The following ABHD17A variants were observed in gnomAD, a reference collection of about 807,000 sequenced individuals.
ABHD17A encodes the protein alpha/beta hydrolase domain-containing protein 17A.
ABHD17A carries 10 observed loss-of-function variants against 26.8 expected under a neutral mutation model. The observed-to-expected ratio is 0.37, with a 90% confidence interval of 0.23 to 0.63. The LOEUF (loss-of-function observed/expected upper bound fraction) is 0.63. ABHD17A is among the 30% of genes least tolerant of loss of function. The pLI is 0.61. For synonymous variants in ABHD17A, 167 were observed against 210.9 expected (o/e 0.79, Z 1.80); for missense variants, 292 against 457.3 (o/e 0.64, Z 3.30).
chr19:1,881,125 C>T (rs547150719), intron 2 of ABHD17A, 110 bp downstream of exon 2: 68 of 1,562,702 alleles, frequency 4.4e-5, no homozygotes, highest in Non-Finnish European at 5.4e-5. Context: ...TGGCCCTTCA[C>T]GGCAGGCTCG....
chr19:1,881,874 G>C (rs923316504), intron 1 of ABHD17A, 70 bp from the exon 2 acceptor site: 1 of 312,930 alleles, frequency 3.2e-6, no homozygotes, highest in South Asian at 5.4e-5. Context: ...CCCGGGAGGC[G>C]GGGCATCCAC....
rs1313049810 is a variant in ABHD17A, at chr19:1,881,542, G to A, written c.25C>T (p.Leu9Phe). MNGLSLSE[L>F]CCLFCCPPCP... ...GGCGGGCAGCAGAAGAGGCAGCAGA[G>A]CTCACTCAGCGACAGCCCATTCATG... Residue 9 changes from leucine to phenylalanine, a missense_variant, in exon 2 of 5, where the codon CTC becomes TTC. By Grantham distance (22) the Leu-to-Phe change is conservative. Transcript: ENST00000292577. 3 of 1,602,386 alleles carry A rather than the reference G, an allele frequency of 1.9e-6. No individual in the cohort carries two copies. Among genetic ancestry groups the A allele is most frequent in the African/African-American group, 1.3e-5 (1 of 74,716 alleles).
At chr19:1,883,359 G>C (rs2012592387) in intron 1 of ABHD17A, 1 of 152,428 alleles carries the variant, frequency 6.6e-6, no homozygotes, top group South Asian at 2.1e-4. Context: ...CCCAAAGAAT[G>C]ATCAGGCCCA....
intron 2 of ABHD17A, 94 bp downstream of exon 2, chr19:1,881,141 T>C (rs975764540): frequency 6.4e-7 from 1 of 1,562,752 alleles, no homozygotes; most frequent in South Asian, 1.2e-5. Context: ...GCTCGGGCCC[T>C]CGGGGGCACC....
rs1454376038 is a variant in ABHD17A at position 1,880,244 on chromosome 19, G to A, written c.333-129C>T. ...AGTGCCTCATTTACTCCCCTCCCAA[G>A]GGGGCCAGAAGCCAGTGAATGGAGA... On this transcript the variant is annotated intron_variant, in intron 2 of 4. Transcript: ENST00000292577. This position sits in a 1 kb window ranked among gnomAD's most constrained non-coding sequence, Gnocchi z 4.1. 3 of 965,960 alleles carry A rather than the reference G, an allele frequency of 3.1e-6. No individual in the cohort carries two copies. The highest frequency in any genetic ancestry group is 4.7e-6 in the Non-Finnish European group (3 of 641,652). 59.8% of individuals were successfully genotyped at this position (965,960 alleles called of 1,614,324 possible). A position where few individuals can be genotyped will look rare whatever the true frequency, so the allele number is the denominator to read the frequency against.
In ABHD17A at chr19:1,881,916, TGTCA is replaced by T. The variant is rs956146855; in HGVS notation, c.-238-116_-238-113del. 9.9e-5 allele frequency: 26 copies of T among 262,978 alleles called. No homozygotes were observed. The East Asian group carries it at 1.5e-3, about 15-fold the overall frequency. The allele number at this position is 262,978 out of a possible 1,614,324, so 16.3% of individuals were successfully genotyped here. A position where few individuals can be genotyped will look rare whatever the true frequency, so the allele number is the denominator to read the frequency against. Reference sequence around the variant, plus strand: ...CAGGGGGCGGCATGGGCCCGGGGCCTGTCAGTCCCCATCCCCTCGGCCCTCCCCA... The same window carrying T: ...CAGGGGGCGGCATGGGCCCGGGGCCTGTCCCCATCCCCTCGGCCCTCCCCA... On this transcript the variant is annotated intron_variant, in intron 1 of 4. Coordinates refer to ENST00000292577, the MANE Select transcript of ABHD17A (RefSeq NM_001130111.2).
rs890054051 is a variant in ABHD17A, at chr19:1,880,182, G to C, written c.333-67C>G. On this transcript the variant is annotated intron_variant, in intron 2 of 4. Coordinates refer to ENST00000292577, the MANE Select transcript of ABHD17A (RefSeq NM_001130111.2). This position sits in a 1 kb window ranked among gnomAD's most constrained non-coding sequence, Gnocchi z 4.1. ...GCGCCCAGCTGCAGGGCAGGAGGAT[G>C]CGTAGTGACAGCCCACCCCGGTGGC... 6.4e-6 allele frequency: 10 copies of C among 1,562,434 alleles called. No individual in the cohort carries two copies. The African/African-American group carries it at 1.4e-4, about 21-fold the overall frequency.
At position 1,880,916 on chromosome 19, in the gene ABHD17A, C is replaced by T. The variant is rs1452022684; in HGVS notation, c.332+319G>A. ...CCCACCTGGCGAGAAGGTGGATGTACCCGCAGGCCAGGGCAGCCCCTGTGC... is the reference window on the plus strand; with the variant it reads ...CCCACCTGGCGAGAAGGTGGATGTATCCGCAGGCCAGGGCAGCCCCTGTGC... On this transcript the variant is annotated intron_variant, in intron 2 of 4. Transcript: ENST00000292577. The surrounding 1 kb of genome is among the most constrained non-coding windows in gnomAD (Gnocchi z 4.1). 8 of 1,612,932 alleles carry T rather than the reference C, an allele frequency of 5.0e-6. No homozygotes were observed. The Admixed American group carries it at 1.0e-4, about 20-fold the overall frequency.
intron 1 of ABHD17A, chr19:1,882,108 C>G (rs1250327115): frequency 6.5e-6 from 1 of 153,124 alleles, no homozygotes; most frequent in Non-Finnish European, 1.5e-5. Context: ...ACCCCAGCCC[C>G]GCCCACACCC....
chr19:1,884,754 A>G (rs1317050414), intron 1 of ABHD17A, among the ~76,000 whole-genome samples: 1 of 152,108 alleles, frequency 6.6e-6, no homozygotes, highest in Non-Finnish European at 1.5e-5. Flanking sequence ...GAAGGGTCCT[A>G]AGAGAGAGCC....
chr19:1,881,489 G>A lies in ABHD17A; in HGVS notation c.78C>T (p.Leu26=), dbSNP rs200425255. ...AGGTGGCCTCCGGCGGCAGGAAGGC[G>A]AGCTTGGCAGCGATGCGGCCGGGGC... The part of the protein sequence containing the change: ...PPCPGRIAAK[L]AFLPPEATYS... Residue 26 remains leucine, a synonymous_variant, in exon 2 of 5, where the codon CTC becomes CTT. Coordinates refer to ENST00000292577, the MANE Select transcript of ABHD17A (RefSeq NM_001130111.2). 2,505 of 1,604,426 alleles carry A rather than the reference G, an allele frequency of 1.6e-3. 15 individuals carry two copies. Among genetic ancestry groups the A allele is most frequent in the Non-Finnish European group, 1.1e-3 (1,333 of 1,178,878 alleles).
intron 3 of ABHD17A, chr19:1,878,209 C>G (rs1257489340): frequency 6.3e-6 from 1 of 157,840 alleles, no homozygotes. Flanking sequence ...CAATTTTGGA[C>G]TCTCGGAGTC....
rs2012514337 is a variant in ABHD17A, at chr19:1,881,165, AGCACC to A, written c.332+65_332+69del. 3 of 1,589,980 alleles carry A rather than the reference AGCACC, an allele frequency of 1.9e-6. No homozygotes were observed. In the Admixed American group the frequency reaches 5.2e-5, roughly 27 times the overall value. On this transcript the variant is annotated intron_variant, in intron 2 of 4. Transcript: ENST00000292577. ...CTCGGGGGCACCACCAACCACACCA[AGCACC>A]GCAGGCAGAAACGGGAGCCCCAAGA...
In ABHD17A at chr19:1,880,932, G is replaced by C; in HGVS notation, c.332+303C>G. On this transcript the variant is annotated intron_variant, in intron 2 of 4. Coordinates refer to ENST00000292577, the MANE Select transcript of ABHD17A (RefSeq NM_001130111.2). This position sits in a 1 kb window ranked among gnomAD's most constrained non-coding sequence, Gnocchi z 4.1. The stretch of plus-strand genomic sequence containing the variant: ...GTGGATGTACCCGCAGGCCAGGGCA[G>C]CCCCTGTGCCCCAGCTCTTGCCCAG... 6.2e-7 allele frequency: 1 copy of C among 1,613,056 alleles called. No homozygotes were observed. Among genetic ancestry groups the C allele is most frequent in the Non-Finnish European group, 8.5e-7 (1 of 1,179,930 alleles).
Position 1,880,012 on chromosome 19 carries a change from C to A in ABHD17A, c.436G>T (p.Asp146Tyr). ...GAGCTGGCACCGTAGCCGGAGTAGT[C>A]GTAGGAGAAGATGTTGCAGTGGAGG... ...SRLHCNIFSY[D>Y]YSGYGASSGR... is the part of the protein sequence containing the mutation. The change falls in exon 3 of 5, where the codon GAC becomes TAC. Residue 146 changes from aspartate (D) to tyrosine (Y), a missense_variant. Asp to Tyr is a radical substitution (Grantham distance 160). This residue lies in a region of ABHD17A where 171 missense variants were observed against 216.1 expected (regional missense o/e 0.79). Transcript: ENST00000292577. The surrounding 1 kb of genome is among the most constrained non-coding windows in gnomAD (Gnocchi z 4.1). 5 of 1,613,238 alleles carry A rather than the reference C, an allele frequency of 3.1e-6. No homozygotes were observed. The highest frequency in any genetic ancestry group is 3.4e-6 in the Non-Finnish European group (4 of 1,180,018).
chr19:1,885,124 G>A (rs1018540711), intron 1 of ABHD17A, among the ~76,000 whole-genome samples: 13 of 152,204 alleles, frequency 8.5e-5, no homozygotes, highest in African/African-American at 3.1e-4. Context: ...CCGCAGGAGG[G>A]TGGGAGCGCA....
At position 1,876,945 on chromosome 19, in the gene ABHD17A, A is replaced by G; in HGVS notation, c.*255T>C. On this transcript the variant is annotated 3_prime_UTR_variant, in exon 5 of 5. Coordinates refer to ENST00000292577, the MANE Select transcript of ABHD17A (RefSeq NM_001130111.2). ...AGCTCGCTGAGCGCTCGAGAGAGTG[A>G]GCAGAGCCATGAAAGGAAGGAGAGC... is the stretch of plus-strand genomic sequence containing the variant. 1 of 522,190 alleles carries G rather than the reference A, an allele frequency of 1.9e-6. No homozygotes were observed. Among genetic ancestry groups the G allele is most frequent in the East Asian group, 3.5e-5 (1 of 28,776 alleles). The allele number at this position is 522,190 out of a possible 1,614,324, so 32.3% of individuals were successfully genotyped here.
At position 1,880,236 on chromosome 19, in the gene ABHD17A, C is replaced by T. The variant is rs2012485792; in HGVS notation, c.333-121G>A. ...CCATGCCCAGTGCCTCATTTACTCC[C>T]CTCCCAAGGGGGCCAGAAGCCAGTG... On this transcript the variant is annotated intron_variant, in intron 2 of 4. Coordinates refer to ENST00000292577, the MANE Select transcript of ABHD17A (RefSeq NM_001130111.2). This position sits in a 1 kb window ranked among gnomAD's most constrained non-coding sequence, Gnocchi z 4.1. The T allele has an allele frequency of 3.8e-6, 4 of 1,052,596 alleles. No individual in the cohort carries two copies. Among genetic ancestry groups the T allele is most frequent in the Middle Eastern group, 3.0e-4 (1 of 3,294 alleles). 65.2% of individuals were successfully genotyped at this position (1,052,596 alleles called of 1,614,324 possible).
intron 3 of ABHD17A, chr19:1,878,550 A>T (rs532721969): frequency 6.6e-6 from 1 of 152,288 alleles, no homozygotes; most frequent in Non-Finnish European, 1.5e-5. Flanking sequence ...CTTGCAAGGC[A>T]GGAGCATGGG....
Sources: gnomAD v4.1 joint callset for allele counts (sites outside exome capture counted in the v4.1 genomes callset) on GRCh38, gnomAD v4.1.1 for gene constraint, gnomAD v4.1.1 regional missense constraint, Gnocchi (gnomAD v3.1) non-coding constraint, MANE v1.5 for transcripts, NCBI Gene and HGNC (gene_info 2026-07-23, HGNC 2026-07-21) for gene names.